Variants in TTC39B observed in about 807,000 individuals in gnomAD.
TTC39B encodes tetratricopeptide repeat domain 39B.
Under a neutral mutation model 96.6 loss-of-function variants are expected in TTC39B, and 92 were observed. The ratio of observed to expected loss-of-function variants is 0.95; its 90% CI spans 0.80 to 1.13. The LOEUF is 1.13. TTC39B is among the 50% of genes most tolerant of loss of function. The pLI, the probability that TTC39B is intolerant of heterozygous loss-of-function variation, is 0.00. For missense variants in TTC39B, 955 were observed against 809.3 expected (o/e 1.18, Z -2.18); for synonymous variants, 367 against 299.4 (o/e 1.23, Z -2.33).
intron 2 of TTC39B, among the ~76,000 whole-genome samples, chr9:15,242,912 C>G (rs1822108052): frequency 6.6e-6 from 1 of 152,196 alleles, no homozygotes; most frequent in Admixed American, 6.5e-5. Flanking sequence ...TAACAAAGGG[C>G]AGAGACAGCG....
Position 15,221,288 on chromosome 9 carries a change from C to T in TTC39B, c.371+4629G>A, listed in dbSNP as rs548299571. Among the ~76,000 whole-genome samples the T allele has an allele frequency of 2.0e-5, 3 of 152,246 alleles. No homozygotes were observed. In the East Asian group the frequency reaches 5.8e-4, roughly 29 times the overall value. On this transcript the variant is annotated intron_variant, in intron 3 of 19. Coordinates refer to ENST00000512701, the Ensembl canonical transcript of TTC39B. ...TCAGAATGAGTAGGGAAGAGCTCTC[C>T]CTCCCACCACTGACATGTTTACCCA...
intron 2 of TTC39B, among the ~76,000 whole-genome samples, chr9:15,235,149 C>G (rs962134879): frequency 6.6e-6 from 1 of 151,898 alleles, no homozygotes; most frequent in African/African-American, 2.4e-5. Flanking sequence ...TAGACTGGAC[C>G]AGGCAGAAGA....
rs61755266 is a variant in TTC39B at position 15,199,909 on chromosome 9, T to C, written c.776A>G (p.Asn259Ser). ...AATTTTGAGTCCACCTTTGATGAAG[T>C]TGATCATATTTTCATCCTGAAAATA... Residue 259 changes from asparagine to serine, a missense_variant, in exon 8 of 20, where the codon AAC (asparagine) becomes AGC (serine). Physicochemically the swap from Asn to Ser is conservative, Grantham distance 46. Transcript: ENST00000512701. The C allele has an allele frequency of 1.9e-5, 30 of 1,540,488 alleles. No homozygotes were observed. In the Middle Eastern group the frequency reaches 6.8e-4, roughly 35 times the overall value.
At chr9:15,214,110 T>C (rs1198918537) in intron 4 of TTC39B, 29 bp downstream of exon 4, 4 of 1,504,710 alleles carry the variant, frequency 2.7e-6, no homozygotes, top group Non-Finnish European at 3.7e-6. Flanking sequence ...CTGAAAGATA[T>C]TTTATCTAAA....
At chr9:15,176,827 A>G (rs1378742777) in intron 18 of TTC39B, among the ~76,000 whole-genome samples, 1 of 152,168 alleles carries the variant, frequency 6.6e-6, no homozygotes, top group Non-Finnish European at 1.5e-5. Flanking sequence ...GTAAGGTTAC[A>G]TATCTGGCCC....
At chr9:15,303,268 C>A (rs1023454581) in intron 1 of TTC39B, among the ~76,000 whole-genome samples, 2 of 152,086 alleles carry the variant, frequency 1.3e-5, no homozygotes, top group African/African-American at 4.8e-5. Flanking sequence ...TACAAATTAT[C>A]AATTTCTATA....
Position 15,190,673 on chromosome 9 carries a change from TA to T in TTC39B, c.997-12del. 1 of 1,604,446 alleles carries T rather than the reference TA, an allele frequency of 6.2e-7. No individual in the cohort carries two copies. Among genetic ancestry groups the T allele is most frequent in the Non-Finnish European group, 8.5e-7 (1 of 1,171,790 alleles). On this transcript the variant is annotated splice_polypyrimidine_tract_variant and intron_variant, in intron 10 of 19. Coordinates refer to ENST00000512701, the Ensembl canonical transcript of TTC39B. Reference sequence around the variant, plus strand: ...CAGGAGGCCCAACTCCTATGGGAATTAAATGCATTTTTAGAAAGAGAACAAG... The same window carrying T: ...CAGGAGGCCCAACTCCTATGGGAATTAATGCATTTTTAGAAAGAGAACAAG...
intron 2 of TTC39B, among the ~76,000 whole-genome samples, chr9:15,251,075 A>T (rs1275216504): frequency 2.0e-5 from 3 of 152,130 alleles, no homozygotes; most frequent in Non-Finnish European, 4.4e-5. Flanking sequence ...TCACGCCTGT[A>T]GTCCCAGCTA....
At position 15,244,380 on chromosome 9, in the gene TTC39B, G is replaced by A. The variant is rs138961390; in HGVS notation, c.276-18368C>T. Among the ~76,000 whole-genome samples, 261 of 152,314 alleles carry A rather than the reference G, an allele frequency of 1.7e-3. 1 individual carries two copies. The highest frequency in any genetic ancestry group is 6.1e-3 in the African/African-American group (254 of 41,564). Reference sequence around the variant, plus strand: ...TGTCCTAGGTACGCCAGTCACTGGCGGGCAGTGTGGCTTTGCGCCACTTCC... The same window carrying A: ...TGTCCTAGGTACGCCAGTCACTGGCAGGCAGTGTGGCTTTGCGCCACTTCC... On this transcript the variant is annotated intron_variant, in intron 2 of 19. Transcript: ENST00000512701.
intron 9 of TTC39B, among the ~76,000 whole-genome samples, chr9:15,191,752 C>T (rs1818870498): frequency 6.6e-6 from 1 of 152,162 alleles, no homozygotes; most frequent in Non-Finnish European, 1.5e-5. Flanking sequence ...ATGCACTATG[C>T]TTGAAAGGAG....
chr9:15,164,118 G>C (rs1183706276), exon 20 of TTC39B: 3 of 152,138 alleles, frequency 2.0e-5, no homozygotes, highest in Non-Finnish European at 4.4e-5. Flanking sequence ...TTGATCAGCA[G>C]ATGGATGTTA....
chr9:15,188,753 A>C lies in TTC39B; in HGVS notation c.1234-621T>G, dbSNP rs1391730746. ...AAAAATATTTTTATATGTTTACTGG[A>C]GTTTACACTGGAACAATCTTAAGTG... On this transcript the variant is annotated intron_variant, in intron 13 of 19. Coordinates refer to ENST00000512701, the Ensembl canonical transcript of TTC39B. Among the ~76,000 whole-genome samples the C allele has an allele frequency of 2.0e-5, 3 of 152,180 alleles. No individual in the cohort carries two copies. The East Asian group carries it at 5.8e-4, about 29-fold the overall frequency.
In TTC39B at chr9:15,174,952, G is replaced by C. The variant is rs1402113512; in HGVS notation, c.1958+67C>G. 3 of 957,052 alleles carry C rather than the reference G, an allele frequency of 3.1e-6. No homozygotes were observed. The African/African-American group carries it at 4.8e-5, about 15-fold the overall frequency. 59.3% of individuals were successfully genotyped at this position (957,052 alleles called of 1,614,324 possible). A position where few individuals can be genotyped will look rare whatever the true frequency, so the allele number is the denominator to read the frequency against. On this transcript the variant is annotated intron_variant, in intron 19 of 19. Transcript: ENST00000512701. ...TTGTTAAGTATATAATGTTACTGCT[G>C]TTGTTAGAGCAGTACTGACATTTCT...
intron 2 of TTC39B, among the ~76,000 whole-genome samples, chr9:15,228,388 C>A (rs763441290): frequency 6.6e-6 from 1 of 152,092 alleles, no homozygotes; most frequent in Non-Finnish European, 1.5e-5. Flanking sequence ...TGCTTGAACC[C>A]GGGAGGCGGA....
exon 20 of TTC39B, chr9:15,166,566 G>T (rs1817520211): frequency 6.6e-6 from 1 of 152,132 alleles, no homozygotes; most frequent in Non-Finnish European, 1.5e-5. Flanking sequence ...CAACATAAAA[G>T]ATATCTTCCC....
chr9:15,209,879 C>T (rs188987165), intron 6 of TTC39B, among the ~76,000 whole-genome samples: 80 of 152,234 alleles, frequency 5.3e-4, no homozygotes, highest in Non-Finnish European at 9.3e-4. Context: ...CAACAAAAAC[C>T]TTATGTGTAC....
At chr9:15,266,304 T>G (rs1352033321) in intron 2 of TTC39B, among the ~76,000 whole-genome samples, 1 of 151,676 alleles carries the variant, frequency 6.6e-6, no homozygotes, top group African/African-American at 2.4e-5. Flanking sequence ...AAATGTATAA[T>G]ACTAAAATAA....
chr9:15,288,869 A>G (rs1824076418), intron 1 of TTC39B, among the ~76,000 whole-genome samples: 1 of 152,350 alleles, frequency 6.6e-6, no homozygotes, highest in Non-Finnish European at 1.5e-5. Context: ...AAGGGGTTTG[A>G]GCATGCATGG....
intron 1 of TTC39B, among the ~76,000 whole-genome samples, chr9:15,302,407 G>C (rs916534732): frequency 3.3e-5 from 5 of 150,726 alleles, no homozygotes; most frequent in Middle Eastern, 3.2e-3. Context: ...ACAAGGTCAG[G>C]AGTTCGAGAC....
Sources: gnomAD v4.1 joint callset for allele counts (sites outside exome capture counted in the v4.1 genomes callset) on GRCh38, gnomAD v4.1.1 for gene constraint, MANE v1.5 for transcripts, NCBI Gene and HGNC (gene_info 2026-07-23, HGNC 2026-07-21) for gene names.